CPA6: variants seen among roughly 807,000 people sequenced by gnomAD.
The protein encoded by CPA6 is carboxypeptidase A6, also known as carboxypeptidase B.
Under a neutral mutation model 63.3 loss-of-function variants are expected in CPA6, and 58 were observed. The observed-to-expected ratio is 0.92, with a 90% CI of 0.74 to 1.14. The LOEUF is 1.14. CPA6 is among the 50% of genes most tolerant of loss of function. The pLI, the probability that CPA6 is intolerant of heterozygous loss-of-function variation, is 0.00. For synonymous variants in CPA6, 185 were observed against 179.0 expected, an observed-to-expected ratio of 1.03 and a Z score of -0.27; for missense variants, 565 against 526.6, an observed-to-expected ratio of 1.07 and a Z score of -0.71.
intron 8 of CPA6, among the ~76,000 whole-genome samples, chr8:67,474,372 C>T (rs943017619): frequency 6.6e-6 from 1 of 152,066 alleles, no homozygotes; most frequent in African/African-American, 2.4e-5. Flanking sequence ...CAGGAATGGG[C>T]CACCAAGCCC....
intron 1 of CPA6, among the ~76,000 whole-genome samples, chr8:67,627,717 A>G (rs1463981973): frequency 2.0e-5 from 3 of 152,198 alleles, no homozygotes; most frequent in Non-Finnish European, 4.4e-5. Context: ...AATTACTAAC[A>G]CTTATTAATC....
At chr8:67,445,745 A>G (rs1165622064) in intron 8 of CPA6, among the ~76,000 whole-genome samples, 1 of 152,160 alleles carries the variant, frequency 6.6e-6, no homozygotes, top group Non-Finnish European at 1.5e-5. Context: ...TTCTTGGTTG[A>G]TCTCCTAACT....
At chr8:67,468,012 CAT>C (rs1810968298) in intron 8 of CPA6, among the ~76,000 whole-genome samples, 1 of 151,026 alleles carries the variant, frequency 6.6e-6, no homozygotes, top group Non-Finnish European at 1.5e-5. Context: ...GAGCCAAGAT[CAT>C]GCCACTGCAC....
At chr8:67,597,817 T>G (rs1814385814) in intron 2 of CPA6, among the ~76,000 whole-genome samples, 1 of 152,228 alleles carries the variant, frequency 6.6e-6, no homozygotes, top group African/African-American at 2.4e-5. Flanking sequence ...TGGAACCAGG[T>G]GGATTGTTGT....
rs542979267 is a variant in CPA6 at position 67,494,292 on chromosome 8, A to G, written c.637-9503T>C. 9.2e-5 allele frequency among the ~76,000 whole-genome samples: 14 copies of G among 152,244 alleles called. No individual in the cohort carries two copies. In the South Asian group the frequency reaches 2.9e-3, roughly 32 times the overall value. The stretch of plus-strand genomic sequence containing the variant: ...AAAATATTTTTATGTAGTCAGGGCT[A>G]TCAGTCATTCCTTTACGCCTCTTTC... On this transcript the variant is annotated intron_variant, in intron 6 of 10. Transcript: ENST00000297770.
intron 2 of CPA6, among the ~76,000 whole-genome samples, chr8:67,623,682 C>T (rs2128986876): frequency 6.6e-6 from 1 of 152,244 alleles, no homozygotes; most frequent in East Asian, 2.0e-4. Context: ...GATCTGCCTG[C>T]CTCAGTCTCC....
At position 67,449,156 on chromosome 8, in the gene CPA6, G is replaced by A. The variant is rs60880878; in HGVS notation, c.839-14916C>T. On this transcript the variant is annotated intron_variant, in intron 8 of 10. Coordinates refer to ENST00000297770, the MANE Select transcript of CPA6 (RefSeq NM_020361.5). ...AATACCAGCTACTCAAGAGGCTGAGGCATGAGAATTGCTTGAAACAGGGAG... is the reference window on the plus strand; with the variant it reads ...AATACCAGCTACTCAAGAGGCTGAGACATGAGAATTGCTTGAAACAGGGAG... Among the ~76,000 whole-genome samples, 815 of 152,232 alleles carry A rather than the reference G, an allele frequency of 5.4e-3. 13 individuals are homozygous for A. The highest frequency in any genetic ancestry group is 0.019 in the African/African-American group (770 of 41,516).
At chr8:67,547,567 G>C (rs1812846020) in intron 2 of CPA6, among the ~76,000 whole-genome samples, 1 of 150,566 alleles carries the variant, frequency 6.6e-6, no homozygotes, top group Non-Finnish European at 1.5e-5. Flanking sequence ...GTGCGATAAT[G>C]GCTCACTGCA....
At chr8:67,442,873 A>G (rs1313489166) in intron 8 of CPA6, among the ~76,000 whole-genome samples, 2 of 152,174 alleles carry the variant, frequency 1.3e-5, no homozygotes, top group Non-Finnish European at 2.9e-5. Flanking sequence ...TAGAGGCACT[A>G]GTGCAGGCCC....
At chr8:67,685,669 G>A (rs1036281255) in intron 1 of CPA6, among the ~76,000 whole-genome samples, 13 of 152,314 alleles carry the variant, frequency 8.5e-5, no homozygotes, top group Admixed American at 7.8e-4. Context: ...CCACTGTGGT[G>A]TTATAACAGC....
At chr8:67,576,566 C>G (rs1054607451) in intron 2 of CPA6, among the ~76,000 whole-genome samples, 1 of 152,220 alleles carries the variant, frequency 6.6e-6, no homozygotes. Context: ...GCTCCACTAT[C>G]AAGCATATTT....
At chr8:67,669,796 A>C (rs544741938) in intron 1 of CPA6, among the ~76,000 whole-genome samples, 1,042 of 89,648 alleles carry the variant, frequency 0.012, 5 homozygotes, top group African/African-American at 0.044. Flanking sequence ...ATCTAAAGAC[A>C]AAAAAAAAAA....
intron 6 of CPA6, among the ~76,000 whole-genome samples, chr8:67,494,581 G>A (rs1207893771): frequency 3.9e-5 from 6 of 152,092 alleles, no homozygotes; most frequent in African/African-American, 1.4e-4. Context: ...TCAGTTGGAG[G>A]TTATTCTGAA....
At position 67,632,298 on chromosome 8, in the gene CPA6, G is replaced by A. The variant is rs377127947; in HGVS notation, c.117-8047C>T. Among the ~76,000 whole-genome samples the A allele has an allele frequency of 6.6e-5, 10 of 151,966 alleles. No individual in the cohort carries two copies. The East Asian group carries it at 7.8e-4, about 12-fold the overall frequency. ...TGATCCTCCTACCTCAGCCTTCCAA[G>A]TAGCTGGGACTGCAGGTGAGCACTA... On this transcript the variant is annotated intron_variant, in intron 1 of 10. Transcript: ENST00000297770.
chr8:67,694,344 A>G lies in CPA6; in HGVS notation c.116+51670T>C, dbSNP rs531650526. Reference sequence around the variant, plus strand: ...GCCTTGCCATTTTCTGCAGATAACTACTTTCCTTCTGAGAGACAGCTCTTG... The same window carrying G: ...GCCTTGCCATTTTCTGCAGATAACTGCTTTCCTTCTGAGAGACAGCTCTTG... On this transcript the variant is annotated intron_variant, in intron 1 of 10. Coordinates refer to ENST00000297770, the MANE Select transcript of CPA6 (RefSeq NM_020361.5). Among the ~76,000 whole-genome samples, 3 of 152,346 alleles carry G rather than the reference A, an allele frequency of 2.0e-5. No homozygotes were observed. In the South Asian group the frequency reaches 6.2e-4, roughly 32 times the overall value.
intron 1 of CPA6, among the ~76,000 whole-genome samples, chr8:67,714,298 A>G (rs1408893641): frequency 6.6e-6 from 1 of 152,208 alleles, no homozygotes; most frequent in Non-Finnish European, 1.5e-5. Context: ...AAAAAGGAGA[A>G]TTTGCCCCAA....
chr8:67,731,327 G>A (rs916022547), intron 1 of CPA6, among the ~76,000 whole-genome samples: 5 of 152,242 alleles, frequency 3.3e-5, no homozygotes, highest in Admixed American at 1.3e-4. Flanking sequence ...GAGAAACTAT[G>A]CAGTGTGGTT....
At chr8:67,733,019 AC>A (rs1817737541) in intron 1 of CPA6, among the ~76,000 whole-genome samples, 3 of 148,982 alleles carry the variant, frequency 2.0e-5, no homozygotes, top group Non-Finnish European at 4.5e-5. Flanking sequence ...ACACGGTGAA[AC>A]CCCGTCTCTA....
chr8:67,575,165 C>T (rs979224379), intron 2 of CPA6, among the ~76,000 whole-genome samples: 1 of 152,040 alleles, frequency 6.6e-6, no homozygotes, highest in Non-Finnish European at 1.5e-5. Context: ...TAGGGAAATG[C>T]AAATTAAATC....
Sources: gnomAD v4.1 joint callset for allele counts (sites outside exome capture counted in the v4.1 genomes callset) on GRCh38, gnomAD v4.1.1 for gene constraint, MANE v1.5 for transcripts, NCBI Gene and HGNC (gene_info 2026-07-23, HGNC 2026-07-21) for gene names.